COP1: variants seen among roughly 807,000 people sequenced by gnomAD.
COP1 encodes the protein COP1 E3 ubiquitin ligase.
COP1 carries 24 observed loss-of-function variants against 101.3 expected under a neutral mutation model. The observed-to-expected ratio is 0.24, with a 90% CI of 0.17 to 0.33. COP1 has a LOEUF of 0.33. COP1 is among the 10% of genes least tolerant of loss of function. COP1 has a pLI of 1.00. For synonymous variants in COP1, 347 were observed against 341.9 expected, an observed-to-expected ratio of 1.01 and a Z score of -0.17; for missense variants, 663 against 906.2, an observed-to-expected ratio of 0.73 and a Z score of 3.45.
intron 18 of COP1, among the ~76,000 whole-genome samples, chr1:175,986,231 G>T (rs1657092352): frequency 6.6e-6 from 1 of 152,096 alleles, no homozygotes; most frequent in South Asian, 2.1e-4. Flanking sequence ...GTGTTAGCCA[G>T]GATGGTCTTG....
intron 9 of COP1, among the ~76,000 whole-genome samples, chr1:176,114,917 C>G (rs1447629801): frequency 2.0e-5 from 3 of 151,918 alleles, no homozygotes; most frequent in Non-Finnish European, 4.4e-5. Flanking sequence ...TATCCTTGTT[C>G]CTAATGAAAT....
At chr1:176,002,788 G>C (rs796118642) in intron 15 of COP1, among the ~76,000 whole-genome samples, 1 of 149,808 alleles carries the variant, frequency 6.7e-6, no homozygotes, top group African/African-American at 2.5e-5. Flanking sequence ...CCAAGTCTTT[G>C]CTATTGTGAA....
chr1:176,130,684 A>C (rs1688738380), intron 8 of COP1, among the ~76,000 whole-genome samples: 1 of 151,860 alleles, frequency 6.6e-6, no homozygotes. Context: ...ACAAACTGTG[A>C]AAATTAAATG....
At chr1:176,136,582 A>G in intron 6 of COP1, 35 bp from the exon 7 acceptor site, 1 of 1,499,190 alleles carries the variant, frequency 6.7e-7, no homozygotes, top group Non-Finnish European at 9.0e-7. Context: ...GACAAAAAAA[A>G]AAAAGCCTAA....
intron 11 of COP1, among the ~76,000 whole-genome samples, chr1:176,046,985 C>T (rs1045316392): frequency 5.3e-4 from 80 of 152,086 alleles, no homozygotes; most frequent in Admixed American, 8.5e-4. Flanking sequence ...TTTCCTTCAG[C>T]GTTATTCACT....
Position 175,982,933 on chromosome 1 carries a change from CAAA to C in COP1, c.2133+4007_2133+4009del, listed in dbSNP as rs550064307. ...GGCTACAAAGTTTCAGCTAATTAGA[CAAA>C]AAGAGTAAGTTTTTGAGATGTATTG... On this transcript the variant is annotated intron_variant, in intron 18 of 19. Transcript: ENST00000367669. Among the ~76,000 whole-genome samples, 897 of 152,136 alleles carry C rather than the reference CAAA, an allele frequency of 5.9e-3. 3 individuals are homozygous for C. The highest frequency in any genetic ancestry group is 9.4e-3 in the Non-Finnish European group (642 of 68,012).
At chr1:176,184,575 ATT>A in intron 2 of COP1, 56 bp downstream of exon 2, 1 of 1,361,254 alleles carries the variant, frequency 7.3e-7, no homozygotes, top group Non-Finnish European at 1.0e-6. Flanking sequence ...CATTGGCTAC[ATT>A]TACAGATAAG....
chr1:176,015,064 G>A (rs115660917), intron 15 of COP1, among the ~76,000 whole-genome samples: 52 of 152,268 alleles, frequency 3.4e-4, no homozygotes, highest in African/African-American at 1.2e-3. Context: ...GCTTCTTTGA[G>A]GAGATGATGT....
chr1:176,207,260 T>G lies in COP1; in HGVS notation c.-282A>C. 10 of 388,818 alleles carry G rather than the reference T, an allele frequency of 2.6e-5. No homozygotes were observed. The highest frequency in any genetic ancestry group is 2.7e-5 in the Non-Finnish European group (6 of 220,222). 24.1% of individuals were successfully genotyped at this position (388,818 alleles called of 1,614,324 possible). ...TGTAGCAGCCAACCCCGGCGCGCCGTGGCCGGCCGTGCGCGCGCGCGCGAG... is the reference window on the plus strand; with the variant it reads ...TGTAGCAGCCAACCCCGGCGCGCCGGGGCCGGCCGTGCGCGCGCGCGCGAG... On this transcript the variant is annotated 5_prime_UTR_variant, in exon 1 of 20. Transcript: ENST00000367669.
intron 15 of COP1, among the ~76,000 whole-genome samples, chr1:175,990,847 C>T (rs1485680763): frequency 2.0e-5 from 3 of 151,886 alleles, no homozygotes; most frequent in Admixed American, 1.3e-4. Flanking sequence ...TTACTTTAAC[C>T]TATTTGTGTC....
chr1:175,968,889 A>G (rs953037036), intron 18 of COP1, among the ~76,000 whole-genome samples: 4 of 152,238 alleles, frequency 2.6e-5, no homozygotes, highest in Non-Finnish European at 4.4e-5. Context: ...AACTTGCAGC[A>G]CATGTTAACA....
chr1:176,066,789 C>A (rs931949460), intron 11 of COP1, among the ~76,000 whole-genome samples: 2 of 152,040 alleles, frequency 1.3e-5, no homozygotes, highest in Non-Finnish European at 2.9e-5. Flanking sequence ...TTGAGAAAAA[C>A]AAAGATATTT....
At chr1:175,986,241 G>C (rs897760879) in intron 18 of COP1, among the ~76,000 whole-genome samples, 1 of 152,058 alleles carries the variant, frequency 6.6e-6, no homozygotes, top group South Asian at 2.1e-4. Flanking sequence ...GGATGGTCTT[G>C]ATCTCCTGAC....
intron 16 of COP1, 108 bp downstream of exon 16, chr1:175,989,254 C>T (rs1473579274): frequency 3.5e-6 from 2 of 565,476 alleles, no homozygotes; most frequent in African/African-American, 1.9e-5. Context: ...AGAAAAAGTA[C>T]ATATACTCCA....
intron 5 of COP1, among the ~76,000 whole-genome samples, chr1:176,159,757 G>T (rs1229343327): frequency 6.6e-6 from 1 of 152,160 alleles, no homozygotes; most frequent in Non-Finnish European, 1.5e-5. Context: ...TTATATGGTT[G>T]TAGATACTAA....
chr1:176,037,517 GA>G (rs893306940), intron 14 of COP1, among the ~76,000 whole-genome samples: 8 of 143,784 alleles, frequency 5.6e-5, no homozygotes, highest in Non-Finnish European at 1.2e-4. Flanking sequence ...TACAAAAACA[GA>G]AAAAAAACAA....
chr1:175,999,550 C>T (rs759574997), intron 15 of COP1, among the ~76,000 whole-genome samples: 3 of 151,886 alleles, frequency 2.0e-5, no homozygotes, highest in Non-Finnish European at 2.9e-5. Flanking sequence ...TTGGCTACTG[C>T]GAACAGTGCC....
intron 14 of COP1, among the ~76,000 whole-genome samples, chr1:176,029,487 T>A (rs192888781): frequency 6.6e-6 from 1 of 152,322 alleles, no homozygotes; most frequent in East Asian, 1.9e-4. Flanking sequence ...AGATTTTCAG[T>A]ATATAAGTTG....
chr1:176,200,612 C>A (rs1192890074), intron 1 of COP1, among the ~76,000 whole-genome samples: 1 of 152,182 alleles, frequency 6.6e-6, no homozygotes, highest in African/African-American at 2.4e-5. Context: ...TTCTATGTTT[C>A]ACTTTATATA....
Sources: allele counts gnomAD v4.1 joint callset (sites outside exome capture counted in the v4.1 genomes callset), GRCh38; gene constraint gnomAD v4.1.1; transcripts MANE v1.5; gene names NCBI Gene and HGNC (gene_info 2026-07-23, HGNC 2026-07-21).